GABRG3: variants seen among roughly 807,000 people sequenced by gnomAD.
GABRG3 encodes gamma-aminobutyric acid type A receptor subunit gamma3.
A neutral mutation model predicts 48.8 loss-of-function variants in GABRG3; 25 were observed. That is an observed-to-expected ratio of 0.51 (90% confidence interval 0.37 to 0.72). The LOEUF (loss-of-function observed/expected upper bound fraction) is 0.72. GABRG3 is among the 30% of genes least tolerant of loss of function. The pLI is 0.00. For missense variants in GABRG3, 394 were observed against 577.9 expected (o/e 0.68, Z 3.26); for synonymous variants, 227 against 217.6 (o/e 1.04, Z -0.38).
At chr15:27,265,637 G>A (rs1227487223) in intron 3 of GABRG3, among the ~76,000 whole-genome samples, 1 of 152,144 alleles carries the variant, frequency 6.6e-6, no homozygotes, top group Non-Finnish European at 1.5e-5. Flanking sequence ...GTCCCAACTA[G>A]GAAACATGAT....
intron 3 of GABRG3, among the ~76,000 whole-genome samples, chr15:27,028,805 CAA>C (rs35610809): frequency 0.14 from 13,954 of 102,158 alleles, 689 homozygotes; most frequent in South Asian, 0.22. Flanking sequence ...GACTTCATCT[CAA>C]AAAAAAAAAA....
intron 3 of GABRG3, among the ~76,000 whole-genome samples, chr15:27,234,873 G>A (rs1384413979): frequency 6.6e-6 from 1 of 152,132 alleles, no homozygotes; most frequent in African/African-American, 2.4e-5. Context: ...TGGTGAGAGG[G>A]GCCACCTGGG....
At chr15:27,209,896 G>A (rs759578925) in intron 3 of GABRG3, among the ~76,000 whole-genome samples, 18 of 152,110 alleles carry the variant, frequency 1.2e-4, no homozygotes, top group Non-Finnish European at 2.4e-4. Flanking sequence ...GTCCTCACAC[G>A]GTCTTTCCTC....
intron 5 of GABRG3, chr15:27,365,886 A>G (rs1895180626): frequency 6.6e-6 from 1 of 152,200 alleles, no homozygotes; most frequent in Admixed American, 6.5e-5. Flanking sequence ...TAGCATCAAA[A>G]GCCAAAAAAT....
chr15:26,991,785 A>G (rs958072797), intron 2 of GABRG3, among the ~76,000 whole-genome samples: 12 of 151,834 alleles, frequency 7.9e-5, no homozygotes, highest in African/African-American at 2.7e-4. Flanking sequence ...CAGTGGCATG[A>G]TCTCGGCTCA....
At chr15:27,429,311 T>C (rs1888380412) in intron 5 of GABRG3, among the ~76,000 whole-genome samples, 1 of 152,174 alleles carries the variant, frequency 6.6e-6, no homozygotes, top group Non-Finnish European at 1.5e-5. Context: ...TGATTGACCT[T>C]GGGTAGGCTT....
Position 27,284,564 on chromosome 15 carries a change from T to A in GABRG3, c.271-42245T>A, listed in dbSNP as rs1270126292. On this transcript the variant is annotated intron_variant, in intron 3 of 9. Coordinates refer to ENST00000615808, the MANE Select transcript of GABRG3 (RefSeq NM_033223.5). ...CCAGAGGAAATGGCATCTTCACCCC[T>A]TTTTTATTGTTGAAAGAGCCTGGAA... 2.6e-5 allele frequency among the ~76,000 whole-genome samples: 4 copies of A among 152,280 alleles called. No individual in the cohort carries two copies. The South Asian group carries it at 8.3e-4, about 32-fold the overall frequency.
intron 3 of GABRG3, among the ~76,000 whole-genome samples, chr15:27,028,432 A>G (rs886716284): frequency 7.9e-5 from 12 of 152,136 alleles, no homozygotes; most frequent in African/African-American, 2.7e-4. Flanking sequence ...CCTTCTCTTC[A>G]TCCAAAACAG....
intron 3 of GABRG3, among the ~76,000 whole-genome samples, chr15:27,299,113 T>G (rs1460262281): frequency 6.6e-6 from 1 of 152,160 alleles, no homozygotes; most frequent in East Asian, 1.9e-4. Flanking sequence ...GTGAAACCCC[T>G]TCTTTACTGA....
chr15:27,039,888 C>A (rs1896244949), intron 3 of GABRG3, among the ~76,000 whole-genome samples: 1 of 152,214 alleles, frequency 6.6e-6, no homozygotes, highest in Non-Finnish European at 1.5e-5. Flanking sequence ...ATGGAGCTGC[C>A]CTAGACTTAT....
intron 6 of GABRG3, chr15:27,481,286 A>T (rs954631768): frequency 1.5e-5 from 14 of 915,378 alleles, no homozygotes; most frequent in Non-Finnish European, 1.8e-5. Context: ...TGATCATTAT[A>T]TGCATATTCA....
At chr15:27,082,392 C>T (rs1036721025) in intron 3 of GABRG3, among the ~76,000 whole-genome samples, 3 of 152,126 alleles carry the variant, frequency 2.0e-5, no homozygotes, top group East Asian at 1.9e-4. Flanking sequence ...TGCATTTATG[C>T]GGGGAACGCA....
At chr15:27,266,849 AATTT>A (rs1366481246) in intron 3 of GABRG3, among the ~76,000 whole-genome samples, 3 of 152,118 alleles carry the variant, frequency 2.0e-5, no homozygotes, top group Non-Finnish European at 4.4e-5. Context: ...ATAGACATAC[AATTT>A]ATTTTTGTAT....
chr15:27,532,906 G>A lies in GABRG3; in HGVS notation c.*25G>A. 1 of 1,606,742 alleles carries A rather than the reference G, an allele frequency of 6.2e-7. No individual in the cohort carries two copies. The highest frequency in any genetic ancestry group is 8.5e-7 in the Non-Finnish European group (1 of 1,176,614). ...AGTGTTGCTCAGAGTGAAGAGTGAA[G>A]AGCATTTGGTACACACTTGACCTTC... On this transcript the variant is annotated 3_prime_UTR_variant, in exon 10 of 10. Coordinates refer to ENST00000615808, the MANE Select transcript of GABRG3 (RefSeq NM_033223.5).
chr15:27,211,982 C>G (rs1889095737), intron 3 of GABRG3, among the ~76,000 whole-genome samples: 1 of 152,202 alleles, frequency 6.6e-6, no homozygotes. Flanking sequence ...GAGGCCGACC[C>G]AGCTACAGTG....
chr15:27,370,071 A>C (rs892661601), intron 5 of GABRG3, among the ~76,000 whole-genome samples: 4 of 152,144 alleles, frequency 2.6e-5, no homozygotes, highest in Non-Finnish European at 5.9e-5. Flanking sequence ...AAACAAAGCC[A>C]TTCTTTAAAA....
intron 2 of GABRG3, among the ~76,000 whole-genome samples, chr15:27,018,263 T>C (rs921070199): frequency 6.6e-5 from 10 of 152,196 alleles, no homozygotes; most frequent in African/African-American, 2.4e-4. Context: ...AATTCTCTTA[T>C]ATTCTTATCA....
chr15:27,166,490 G>C (rs986131965), intron 3 of GABRG3, among the ~76,000 whole-genome samples: 4 of 152,072 alleles, frequency 2.6e-5, no homozygotes, highest in African/African-American at 9.7e-5. Context: ...CTCTTCAGGG[G>C]AGCCTCTAGG....
chr15:27,511,556 C>A (rs7181852), intron 6 of GABRG3, among the ~76,000 whole-genome samples: 1 of 152,004 alleles, frequency 6.6e-6, no homozygotes, highest in Non-Finnish European at 1.5e-5. Flanking sequence ...TACTGCTCAA[C>A]GCAAAATCCC....
Sources: allele counts gnomAD v4.1 joint callset (sites outside exome capture counted in the v4.1 genomes callset), GRCh38; gene constraint gnomAD v4.1.1; transcripts MANE v1.5; gene names NCBI Gene and HGNC (gene_info 2026-07-23, HGNC 2026-07-21).